RTN3: variants seen among roughly 807,000 people sequenced by gnomAD.
The protein encoded by RTN3 is reticulon-3.
In RTN3, 49 loss-of-function variants were observed where a neutral mutation model predicts 77.8. That is an observed-to-expected ratio of 0.63 (90% CI 0.50 to 0.80). The LOEUF is 0.80. RTN3 is among the 30% of genes least tolerant of loss of function. The pLI is 0.00. For synonymous variants in RTN3, 464 were observed against 446.9 expected (o/e 1.04, Z -0.48); for missense variants, 1,236 against 1,211.9 (o/e 1.02, Z -0.29).
chr11:63,752,005 TA>T (rs570097266), intron 4 of RTN3, among the ~76,000 whole-genome samples: 2 of 151,624 alleles, frequency 1.3e-5, no homozygotes, highest in Non-Finnish European at 2.9e-5. Context: ...AAAAAACTGC[TA>T]AAAAAAACCC....
chr11:63,744,569 G>C (rs1286629164), intron 3 of RTN3, among the ~76,000 whole-genome samples: 3 of 152,096 alleles, frequency 2.0e-5, no homozygotes, highest in African/African-American at 7.2e-5. Flanking sequence ...AAAAAATACA[G>C]TAAAAATACA....
At chr11:63,709,173 T>C (rs1942632200) in intron 2 of RTN3, among the ~76,000 whole-genome samples, 1 of 152,206 alleles carries the variant, frequency 6.6e-6, no homozygotes, top group African/African-American at 2.4e-5. Flanking sequence ...GGGTTTAGAC[T>C]TCTTTTTAGA....
Position 63,719,617 on chromosome 11 carries a change from C to G in RTN3, c.1115C>G (p.Ser372Ter). ...TTGLDMSEYNSEIPVVNLKTS... is the reference protein window; with the variant it reads ...TTGLDMSEYN Reference sequence around the variant, plus strand: ...GGACTTGACATGAGTGAATATAATTCAGAAATTCCAGTTGTAAATCTTAAA... The same window carrying G: ...GGACTTGACATGAGTGAATATAATTGAGAAATTCCAGTTGTAAATCTTAAA... The change falls in exon 3 of 9, where the codon TCA (serine) becomes TGA (stop). Residue 372 changes from serine (S) to a stop codon, truncating the protein, a stop_gained. Coordinates refer to ENST00000377819, the MANE Select transcript of RTN3 (RefSeq NM_001265589.2). LOFTEE classifies it high-confidence loss of function. The G allele has an allele frequency of 6.2e-7, 1 of 1,613,612 alleles. No individual in the cohort carries two copies. Among genetic ancestry groups the G allele is most frequent in the Non-Finnish European group, 8.5e-7 (1 of 1,179,914 alleles).
At chr11:63,754,117 T>C (rs1464433262) in intron 7 of RTN3, among the ~76,000 whole-genome samples, 3 of 151,744 alleles carry the variant, frequency 2.0e-5, no homozygotes, top group Admixed American at 6.6e-5. Context: ...TGGCAAAACC[T>C]TGTCTCTAAA....
Position 63,718,941 on chromosome 11 carries a change from C to A in RTN3, c.439C>A (p.Leu147Ile). Residue 147 changes from leucine to isoleucine, a missense_variant, in exon 3 of 9, where the codon CTT (leucine) becomes ATT (isoleucine). Coordinates refer to ENST00000377819, the MANE Select transcript of RTN3 (RefSeq NM_001265589.2). The stretch of plus-strand genomic sequence containing the variant: ...CAACGTATCAGACTCTTCAGTTTCT[C>A]TTGCAGCAGGAGTTCATTGTGACCG... ...SNNVSDSSVS[L>I]AAGVHCDRPS... 6.2e-7 allele frequency: 1 copy of A among 1,614,206 alleles called. No individual in the cohort carries two copies. Among genetic ancestry groups the A allele is most frequent in the South Asian group, 1.1e-5 (1 of 91,078 alleles).
intron 2 of RTN3, among the ~76,000 whole-genome samples, chr11:63,712,357 G>A (rs1357043818): frequency 1.3e-5 from 2 of 152,100 alleles, no homozygotes; most frequent in Non-Finnish European, 2.9e-5. Context: ...CTGTGAACAT[G>A]TATTAACTCA....
At chr11:63,732,023 A>G (rs989421631) in intron 3 of RTN3, among the ~76,000 whole-genome samples, 1 of 152,204 alleles carries the variant, frequency 6.6e-6, no homozygotes, top group African/African-American at 2.4e-5. Flanking sequence ...TCGAACTTGA[A>G]AATCTAGAAA....
chr11:63,720,349 C>G lies in RTN3; in HGVS notation c.1847C>G (p.Ser616Cys), dbSNP rs751785202. The G allele has an allele frequency of 6.2e-7, 1 of 1,614,054 alleles. No individual in the cohort carries two copies. The highest frequency in any genetic ancestry group is 1.7e-5 in the Admixed American group (1 of 60,004). Residue 616 changes from serine to cysteine, a missense_variant, in exon 3 of 9, where the codon TCT becomes TGT. Ser to Cys is a moderately radical substitution (Grantham distance 112). Around this residue, in one of 3 missense-constraint regions of RTN3, gnomAD observed 1,056 missense variants for 990.4 expected, o/e 1.07. Transcript: ENST00000377819. ...TENPKLPSTV[S>C]PNVFNETEFS... ...AACCCCAAACTTCCTTCAACAGTGT[C>G]TCCAAATGTTTTTAATGAGACAGAA...
intron 2 of RTN3, among the ~76,000 whole-genome samples, chr11:63,716,992 A>AAG (rs1190994570): frequency 8.0e-5 from 12 of 150,450 alleles, no homozygotes; most frequent in South Asian, 4.2e-4. Flanking sequence ...AAAAAAAAAA[A>AAG]AAAGAAAAGA....
chr11:63,705,817 C>T (rs1443092083), intron 2 of RTN3, among the ~76,000 whole-genome samples: 3 of 152,080 alleles, frequency 2.0e-5, no homozygotes, highest in African/African-American at 7.2e-5. Context: ...ATCTGTCAGT[C>T]TGTAGGGAAG....
intron 2 of RTN3, among the ~76,000 whole-genome samples, chr11:63,709,201 A>T (rs1942633231): frequency 6.6e-6 from 1 of 152,208 alleles, no homozygotes; most frequent in African/African-American, 2.4e-5. Flanking sequence ...TTTTGAAGTT[A>T]ATATTAAAAT....
chr11:63,735,071 G>C (rs1210460574), intron 3 of RTN3, among the ~76,000 whole-genome samples: 1 of 152,126 alleles, frequency 6.6e-6, no homozygotes, highest in Non-Finnish European at 1.5e-5. Flanking sequence ...CTGTCGCCCA[G>C]GCTGGAGTGC....
intron 2 of RTN3, among the ~76,000 whole-genome samples, chr11:63,710,120 G>A (rs1244152586): frequency 6.6e-6 from 1 of 152,066 alleles, no homozygotes; most frequent in Non-Finnish European, 1.5e-5. Context: ...GACACTTTGG[G>A]GAAAAAGAAG....
At chr11:63,681,499 C>G (rs1461656150), upstream of RTN3, 1 of 869,000 alleles carries the variant, frequency 1.2e-6, no homozygotes. Context: ...CTGAGTCAGT[C>G]AGTCTGTCGG....
At chr11:63,731,249 T>G (rs1046367362) in intron 3 of RTN3, among the ~76,000 whole-genome samples, 2 of 152,026 alleles carry the variant, frequency 1.3e-5, no homozygotes, top group African/African-American at 4.8e-5. Context: ...CCCACTAATT[T>G]TTGTATTTTA....
chr11:63,718,400 CCTT>C (rs2011521211), intron 2 of RTN3, among the ~76,000 whole-genome samples: 1 of 152,118 alleles, frequency 6.6e-6, no homozygotes, highest in Non-Finnish European at 1.5e-5. Flanking sequence ...ATCTTACCGC[CCTT>C]CTTTATGCTT....
chr11:63,726,879 G>C (rs796596008), intron 3 of RTN3, among the ~76,000 whole-genome samples: 1,082 of 61,774 alleles, frequency 0.018, 17 homozygotes, highest in African/African-American at 0.035. Context: ...AAAAAAAAAA[G>C]AAGAAGTGAG....
intron 2 of RTN3, among the ~76,000 whole-genome samples, chr11:63,716,019 C>T (rs1334090770): frequency 6.6e-6 from 1 of 152,206 alleles, no homozygotes; most frequent in Non-Finnish European, 1.5e-5. Flanking sequence ...ATTAGAACTA[C>T]ATATGAATTA....
chr11:63,685,172 T>C (rs536553837), intron 1 of RTN3, among the ~76,000 whole-genome samples: 113 of 152,064 alleles, frequency 7.4e-4, no homozygotes, highest in Non-Finnish European at 1.1e-3. Flanking sequence ...GTTGGGTCAC[T>C]ACTTGAACAT....
Sources: allele counts gnomAD v4.1 joint callset (sites outside exome capture counted in the v4.1 genomes callset), GRCh38; gene constraint gnomAD v4.1.1; regional missense constraint gnomAD v4.1.1; transcripts MANE v1.5; gene names NCBI Gene and HGNC (gene_info 2026-07-23, HGNC 2026-07-21).